Variants in CSMD1 observed in about 807,000 individuals in gnomAD.
CSMD1 encodes the protein CUB and sushi domain-containing protein 1.
In CSMD1, 213 loss-of-function variants were observed where a neutral mutation model predicts 417.5. That is an observed-to-expected ratio of 0.51 (90% CI 0.46 to 0.57). CSMD1 has a LOEUF of 0.57. Ranked by LOEUF, CSMD1 falls within the 20% of genes least tolerant of loss-of-function variation. The probability of loss-of-function intolerance (pLI) is 0.00; values close to 1 mark genes in which losing one functional copy is unlikely to be tolerated. For missense variants in CSMD1, 6,923 were observed against 4,529.7 expected (o/e 1.53, Z -15.17); for synonymous variants, 2,862 against 1,736.8 (o/e 1.65, Z -16.11).
intron 28 of CSMD1, among the ~76,000 whole-genome samples, chr8:3,219,874 T>A (rs959268804): frequency 1.3e-5 from 2 of 152,150 alleles, no homozygotes; most frequent in African/African-American, 4.8e-5. Flanking sequence ...ATATTGCAAT[T>A]TCAAAATATT....
chr8:4,736,399 G>C (rs1374504029), intron 1 of CSMD1, among the ~76,000 whole-genome samples: 1 of 152,088 alleles, frequency 6.6e-6, no homozygotes, highest in Admixed American at 6.5e-5. Flanking sequence ...GAGAGAGAGA[G>C]CAATGATTTA....
At position 3,681,272 on chromosome 8, in the gene CSMD1, T is replaced by C. The variant is rs550305883; in HGVS notation, c.1009+27142A>G. On this transcript the variant is annotated intron_variant, in intron 7 of 69. Transcript: ENST00000635120. ...TCGTCCCTCTTTGCAGATGACATGA[T>C]TGTATATTTAGAAAACCCCATCATC... Among the ~76,000 whole-genome samples, 9 of 152,290 alleles carry C rather than the reference T, an allele frequency of 5.9e-5. No individual in the cohort carries two copies. In the South Asian group the frequency reaches 8.3e-4, roughly 14 times the overall value.
chr8:3,708,568 C>T (rs1365339572), intron 6 of CSMD1, 77 bp from the exon 7 acceptor site: 1 of 1,206,296 alleles, frequency 8.3e-7, no homozygotes, highest in Non-Finnish European at 1.2e-6. Context: ...CACAGCACTT[C>T]CAGTCATAAC....
intron 5 of CSMD1, among the ~76,000 whole-genome samples, chr8:3,862,241 C>T (rs1261547717): frequency 3.3e-5 from 5 of 152,194 alleles, no homozygotes; most frequent in Non-Finnish European, 5.9e-5. Context: ...CTACCTCATA[C>T]ACAGCTTCCA....
chr8:4,219,435 T>C (rs1277156500), intron 3 of CSMD1, among the ~76,000 whole-genome samples: 1 of 152,220 alleles, frequency 6.6e-6, no homozygotes, highest in Non-Finnish European at 1.5e-5. Context: ...TGGGCTCTGA[T>C]CATAATTCAT....
intron 3 of CSMD1, among the ~76,000 whole-genome samples, chr8:4,276,971 C>G (rs1042686924): frequency 3.9e-5 from 6 of 151,954 alleles, no homozygotes; most frequent in African/African-American, 9.7e-5. Flanking sequence ...TGAAAACAAA[C>G]TACATATTTT....
chr8:3,066,702 A>G (rs1812958779), intron 49 of CSMD1, among the ~76,000 whole-genome samples: 1 of 152,180 alleles, frequency 6.6e-6, no homozygotes, highest in South Asian at 2.1e-4. Flanking sequence ...AAACAGACTG[A>G]AGGCTGGTCA....
At chr8:4,434,353 G>A (rs1203620401) in intron 2 of CSMD1, among the ~76,000 whole-genome samples, 1 of 152,142 alleles carries the variant, frequency 6.6e-6, no homozygotes, top group South Asian at 2.1e-4. Flanking sequence ...GCAACAGCAT[G>A]AGACTGTCTC....
chr8:4,303,893 G>A (rs954561379), intron 3 of CSMD1, among the ~76,000 whole-genome samples: 1 of 152,068 alleles, frequency 6.6e-6, no homozygotes, highest in Middle Eastern at 3.2e-3. Flanking sequence ...CTGACCTTGT[G>A]ATCTGCCTGC....
intron 7 of CSMD1, among the ~76,000 whole-genome samples, chr8:3,650,619 G>C (rs1026636574): frequency 1.3e-5 from 2 of 152,128 alleles, no homozygotes; most frequent in African/African-American, 4.8e-5. Context: ...AATGTACTGA[G>C]CTCCCGGCTG....
chr8:4,167,750 G>C (rs1049164166), intron 3 of CSMD1, among the ~76,000 whole-genome samples: 1 of 152,182 alleles, frequency 6.6e-6, no homozygotes, highest in Non-Finnish European at 1.5e-5. Context: ...AGCACTTTTA[G>C]AGACCAAGGC....
chr8:4,022,789 T>C (rs138991772), intron 4 of CSMD1, among the ~76,000 whole-genome samples: 27 of 152,302 alleles, frequency 1.8e-4, no homozygotes, highest in Admixed American at 1.1e-3. Flanking sequence ...ATTCCACATA[T>C]TAAGCAATCG....
At chr8:4,442,493 T>G (rs1029271184) in intron 2 of CSMD1, among the ~76,000 whole-genome samples, 4 of 152,150 alleles carry the variant, frequency 2.6e-5, no homozygotes, top group African/African-American at 9.7e-5. Context: ...ATCTGTTATG[T>G]ATATAAAAGA....
intron 1 of CSMD1, among the ~76,000 whole-genome samples, chr8:4,829,029 G>C (rs911749550): frequency 6.6e-6 from 1 of 152,090 alleles, no homozygotes; most frequent in African/African-American, 2.4e-5. Flanking sequence ...GATACATTAT[G>C]ATATTGAAAA....
At chr8:3,701,849 A>G (rs1800888507) in intron 7 of CSMD1, among the ~76,000 whole-genome samples, 1 of 152,196 alleles carries the variant, frequency 6.6e-6, no homozygotes, top group African/African-American at 2.4e-5. Context: ...AGCCACAACA[A>G]AAGCCAGAGG....
At chr8:3,732,533 A>G (rs1441248035) in intron 6 of CSMD1, among the ~76,000 whole-genome samples, 1 of 152,216 alleles carries the variant, frequency 6.6e-6, no homozygotes, top group Non-Finnish European at 1.5e-5. Flanking sequence ...GAGACTCTGT[A>G]TAATTTCTTA....
chr8:4,644,899 G>A (rs1471337033), intron 1 of CSMD1, among the ~76,000 whole-genome samples: 2 of 152,216 alleles, frequency 1.3e-5, no homozygotes, highest in African/African-American at 4.8e-5. Context: ...AAGCCTGTGG[G>A]TGAGTTTGAG....
intron 2 of CSMD1, among the ~76,000 whole-genome samples, chr8:4,527,695 T>C (rs996185029): frequency 2.0e-5 from 3 of 152,192 alleles, no homozygotes; most frequent in Non-Finnish European, 4.4e-5. Context: ...ATACAGTACA[T>C]TTCTTTCTAT....
chr8:3,414,991 G>T (rs1046825964), intron 12 of CSMD1, among the ~76,000 whole-genome samples: 1 of 152,108 alleles, frequency 6.6e-6, no homozygotes, highest in African/African-American at 2.4e-5. Flanking sequence ...CCCTGGCAGG[G>T]TCTATCTTGG....
Sources: gnomAD v4.1 joint callset for allele counts (sites outside exome capture counted in the v4.1 genomes callset) on GRCh38, gnomAD v4.1.1 for gene constraint, MANE v1.5 for transcripts, NCBI Gene and HGNC (gene_info 2026-07-23, HGNC 2026-07-21) for gene names.